CMPK1: variants seen among roughly 807,000 people sequenced by gnomAD.
CMPK1 encodes the protein cytidine/uridine monophosphate kinase 1, also known as UMP-CMP kinase.
CMPK1 carries 10 observed loss-of-function variants against 25.7 expected under a neutral mutation model. The ratio of observed to expected loss-of-function variants is 0.39; its 90% CI spans 0.24 to 0.66. CMPK1 has a LOEUF of 0.66. Ranked by LOEUF, CMPK1 falls within the 30% of genes least tolerant of loss-of-function variation. The probability of loss-of-function intolerance (pLI) is 0.48; values close to 1 mark genes in which losing one functional copy is unlikely to be tolerated. For missense variants in CMPK1, 199 were observed against 280.5 expected (o/e 0.71, Z 2.08); for synonymous variants, 106 against 101.5 (o/e 1.04, Z -0.27).
chr1:47,368,189 C>T (rs1646652624), intron 1 of CMPK1, among the ~76,000 whole-genome samples: 1 of 152,096 alleles, frequency 6.6e-6, no homozygotes, highest in Admixed American at 6.6e-5. Context: ...CATGATCCAC[C>T]CACCTCAGCC....
At chr1:47,372,080 T>G (rs1218691204) in intron 2 of CMPK1, among the ~76,000 whole-genome samples, 1 of 151,788 alleles carries the variant, frequency 6.6e-6, no homozygotes, top group African/African-American at 2.4e-5. Flanking sequence ...TTAGTTCACA[T>G]CCTCTTTTTT....
intron 1 of CMPK1, among the ~76,000 whole-genome samples, chr1:47,345,346 CA>C (rs968295314): frequency 6.6e-6 from 1 of 151,552 alleles, no homozygotes; most frequent in Admixed American, 6.6e-5. Flanking sequence ...AACTCTAGTG[CA>C]AAAGAAATAC....
In CMPK1 at chr1:47,340,658, T is replaced by C. The variant is rs181212390; in HGVS notation, c.171+6542T>C. Among the ~76,000 whole-genome samples, 82 of 152,164 alleles carry C rather than the reference T, an allele frequency of 5.4e-4. 2 individuals carry two copies. In the East Asian group the frequency reaches 0.013, roughly 25 times the overall value. ...TGGTGGAATAATAATTTTTTTTTTT[T>C]CGAGGCAGAGTTTGAGTTGCCCAGG... On this transcript the variant is annotated intron_variant, in intron 1 of 5. Transcript: ENST00000371873.
rs185880635 is a variant in CMPK1, at chr1:47,369,434, T to A, written c.318+819T>A. ...CTCTGCTTTGATTTAGGATCACCTA[T>A]AGCTCAACTTAACATCCATTTATGT... On this transcript the variant is annotated intron_variant, in intron 2 of 5. Coordinates refer to ENST00000371873, the MANE Select transcript of CMPK1 (RefSeq NM_016308.3). Among the ~76,000 whole-genome samples the A allele has an allele frequency of 7.9e-5, 12 of 152,356 alleles. No homozygotes were observed. The East Asian group carries it at 2.1e-3, about 27-fold the overall frequency.
Position 47,333,963 on chromosome 1 carries a change from CAG to C in CMPK1, c.19_20del (p.Ser7ArgfsTer9). On this transcript the variant is annotated frameshift_variant, in exon 1 of 6. Transcript: ENST00000371873. LOFTEE classifies it high-confidence loss of function. ...CGCGGTGTATGCTGAGCCGCTGCCG[CAG>C]CGGGCTGCTCCACGTCCTGGGCCTT... MLSRCR[S>X]GLLHVLGLSF... 1 of 1,492,120 alleles carries C rather than the reference CAG, an allele frequency of 6.7e-7. No individual in the cohort carries two copies. The highest frequency in any genetic ancestry group is 9.0e-7 in the Non-Finnish European group (1 of 1,114,106). The allele number at this position is 1,492,120 out of a possible 1,614,324, so 92.4% of individuals were successfully genotyped here. A position where few individuals can be genotyped will look rare whatever the true frequency, so the allele number is the denominator to read the frequency against.
intron 1 of CMPK1, among the ~76,000 whole-genome samples, chr1:47,356,323 C>G (rs1433474724): frequency 6.6e-6 from 1 of 151,990 alleles, no homozygotes; most frequent in East Asian, 1.9e-4. Flanking sequence ...CTTATTTATA[C>G]TTGGGTCTAT....
intron 1 of CMPK1, among the ~76,000 whole-genome samples, chr1:47,355,243 G>A (rs904427178): frequency 6.6e-6 from 1 of 151,138 alleles, no homozygotes; most frequent in East Asian, 2.0e-4. Context: ...ACAGGGTTTC[G>A]CTATGTTGGC....
chr1:47,363,040 A>T lies in CMPK1; in HGVS notation c.172-5429A>T, dbSNP rs118135837. 2.6e-4 allele frequency among the ~76,000 whole-genome samples: 39 copies of T among 152,348 alleles called. No individual in the cohort carries two copies. In the East Asian group the frequency reaches 5.0e-3, roughly 20 times the overall value. ...GAAAGTAAGTTCCCCAGGGATGGCA[A>T]GTATTTTTTCTGGAAAATCCTTATC... On this transcript the variant is annotated intron_variant, in intron 1 of 5. Coordinates refer to ENST00000371873, the MANE Select transcript of CMPK1 (RefSeq NM_016308.3).
rs144660797 is a variant in CMPK1, at chr1:47,362,769, A to G, written c.172-5700A>G. Reference sequence around the variant, plus strand: ...GATTTGCGATGAAATATGCATGGTCAAATGCAATGCACACATTTACAAATA... The same window carrying G: ...GATTTGCGATGAAATATGCATGGTCGAATGCAATGCACACATTTACAAATA... On this transcript the variant is annotated intron_variant, in intron 1 of 5. Transcript: ENST00000371873. Among the ~76,000 whole-genome samples the G allele has an allele frequency of 4.7e-3, 721 of 152,358 alleles. 3 individuals are homozygous for G. Among genetic ancestry groups the G allele is most frequent in the African/African-American group, 0.016 (681 of 41,586 alleles).
chr1:47,358,095 A>T (rs866728564), intron 1 of CMPK1, among the ~76,000 whole-genome samples: 1 of 132,532 alleles, frequency 7.5e-6, no homozygotes, highest in Non-Finnish European at 1.6e-5. Context: ...GAGTGCTGTC[A>T]TAGTAGGTCT....
At chr1:47,353,702 C>T (rs1251735151) in intron 1 of CMPK1, among the ~76,000 whole-genome samples, 1 of 151,940 alleles carries the variant, frequency 6.6e-6, no homozygotes, top group African/African-American at 2.4e-5. Context: ...TTTAAATCAT[C>T]AGTCTTTCCT....
chr1:47,346,613 C>G (rs1179065954), intron 1 of CMPK1, among the ~76,000 whole-genome samples: 5 of 151,928 alleles, frequency 3.3e-5, no homozygotes, highest in African/African-American at 7.3e-5. Flanking sequence ...AAGCAATTGT[C>G]CTGCCTCATC....
intron 1 of CMPK1, among the ~76,000 whole-genome samples, chr1:47,356,470 C>A (rs891913555): frequency 2.6e-5 from 4 of 152,136 alleles, no homozygotes; most frequent in African/African-American, 9.7e-5. Context: ...AATATTATTT[C>A]AGTTTTGGCC....
At chr1:47,356,904 G>T (rs1460487572) in intron 1 of CMPK1, among the ~76,000 whole-genome samples, 6 of 150,704 alleles carry the variant, frequency 4.0e-5, no homozygotes, top group Non-Finnish European at 7.4e-5. Context: ...CAAGTGATCC[G>T]CATGCCTTCA....
chr1:47,351,529 A>C (rs1287332880), intron 1 of CMPK1, among the ~76,000 whole-genome samples: 2 of 152,212 alleles, frequency 1.3e-5, no homozygotes, highest in Admixed American at 6.5e-5. Context: ...GGTTACTGTG[A>C]ATAATACTGC....
intron 1 of CMPK1, among the ~76,000 whole-genome samples, chr1:47,337,716 C>T (rs1013448455): frequency 6.6e-6 from 1 of 151,468 alleles, no homozygotes; most frequent in South Asian, 2.1e-4. Context: ...TGGATTCAAG[C>T]GATTCTCTGC....
intron 1 of CMPK1, among the ~76,000 whole-genome samples, chr1:47,357,351 T>C (rs1646568474): frequency 6.6e-6 from 1 of 152,152 alleles, no homozygotes; most frequent in Admixed American, 6.6e-5. Flanking sequence ...ACATTTAGTT[T>C]TACATTTATT....
intron 1 of CMPK1, among the ~76,000 whole-genome samples, chr1:47,345,515 A>G (rs1018984893): frequency 6.8e-6 from 1 of 147,720 alleles, no homozygotes. Flanking sequence ...TTTTTTTGAG[A>G]CAGAGTCTCA....
intron 1 of CMPK1, among the ~76,000 whole-genome samples, chr1:47,346,519 T>C (rs1476589217): frequency 6.6e-6 from 1 of 152,006 alleles, no homozygotes; most frequent in East Asian, 1.9e-4. Context: ...TTTTTTCTTT[T>C]TTGAGTCGGA....
Sources: gnomAD v4.1 joint callset for allele counts (sites outside exome capture counted in the v4.1 genomes callset) on GRCh38, gnomAD v4.1.1 for gene constraint, MANE v1.5 for transcripts, NCBI Gene and HGNC (gene_info 2026-07-23, HGNC 2026-07-21) for gene names.